The following COL20A1 variants were observed in gnomAD, a reference collection of about 807,000 sequenced individuals.
COL20A1 encodes the protein collagen alpha-1(XX) chain.
Under a neutral mutation model 152.9 loss-of-function variants are expected in COL20A1, and 164 were observed. The ratio of observed to expected loss-of-function variants is 1.07; its 90% CI spans 0.94 to 1.22. The LOEUF (loss-of-function observed/expected upper bound fraction) is 1.22, where lower values mean the gene tolerates loss of function less well. Ranked by LOEUF, COL20A1 falls within the 50% of genes most tolerant of loss-of-function variation. COL20A1 has a pLI of 0.00. For missense variants in COL20A1, 1,873 were observed against 1,744.8 expected, an observed-to-expected ratio of 1.07 and a Z score of -1.31; for synonymous variants, 864 against 756.0, an observed-to-expected ratio of 1.14 and a Z score of -2.34.
chr20:63,330,012 G>A (rs1262278275), intron 35 of COL20A1, among the ~76,000 whole-genome samples: 1 of 152,100 alleles, frequency 6.6e-6, no homozygotes, highest in African/African-American at 2.4e-5. Flanking sequence ...CAGGGAGAGT[G>A]GAGCTCAGGT....
intron 3 of COL20A1, among the ~76,000 whole-genome samples, chr20:63,304,419 C>G (rs2067897682): frequency 7.2e-6 from 1 of 139,578 alleles, no homozygotes. Flanking sequence ...CTTCCTCCCT[C>G]CAGGTGTGCA....
chr20:63,297,894 T>C lies in COL20A1; in HGVS notation c.83-16T>C. ...GAGGCCAGGTCAGTCCTGACCACTA[T>C]GTCCTGTTTCTGTAGCAAGCGGTCT... On this transcript the variant is annotated splice_polypyrimidine_tract_variant and intron_variant, in intron 2 of 35. Transcript: ENST00000358894. 1 of 1,606,734 alleles carries C rather than the reference T, an allele frequency of 6.2e-7. No homozygotes were observed. Among genetic ancestry groups the C allele is most frequent in the African/African-American group, 1.3e-5 (1 of 74,926 alleles).
chr20:63,312,382 C>T, intron 14 of COL20A1, 38 bp from the exon 15 acceptor site: 1 of 1,504,766 alleles, frequency 6.6e-7, no homozygotes, highest in Non-Finnish European at 8.8e-7. Context: ...CTCCAGGCAC[C>T]AGCTGGGCCT....
At chr20:63,307,028 C>G (rs566952591) in intron 5 of COL20A1, among the ~76,000 whole-genome samples, 1 of 152,322 alleles carries the variant, frequency 6.6e-6, no homozygotes, top group South Asian at 2.1e-4. Context: ...GGCATCTCCC[C>G]GGGGGTCTGG....
rs1054048952 is a variant in COL20A1 at position 63,305,321 on chromosome 20, G to A, written c.194-96G>A. 9.8e-7 allele frequency: 1 copy of A among 1,024,164 alleles called. No homozygotes were observed. The highest frequency in any genetic ancestry group is 1.3e-6 in the Non-Finnish European group (1 of 759,186). 63.4% of individuals were successfully genotyped at this position (1,024,164 alleles called of 1,614,324 possible). Reference sequence around the variant, plus strand: ...TCTGGCTTCAAGGGGAGCAGCTGGGGTGGGGAGGAGGAGCCAAGAGGGTTT... The same window carrying A: ...TCTGGCTTCAAGGGGAGCAGCTGGGATGGGGAGGAGGAGCCAAGAGGGTTT... On this transcript the variant is annotated intron_variant, in intron 3 of 35. Transcript: ENST00000358894. The surrounding 1 kb of genome is among the most constrained non-coding windows in gnomAD (Gnocchi z 4.9).
intron 6 of COL20A1, 103 bp from the exon 7 acceptor site, chr20:63,307,868 A>G: frequency 7.1e-7 from 1 of 1,406,884 alleles, no homozygotes. Context: ...TGGCCAGGTG[A>G]CCCCACAGAG....
intron 3 of COL20A1, among the ~76,000 whole-genome samples, chr20:63,303,635 A>C (rs1294376524): frequency 1.3e-5 from 2 of 152,222 alleles, no homozygotes; most frequent in Admixed American, 1.3e-4. Flanking sequence ...TGTTGATGGT[A>C]ATGACAACAC....
Position 63,328,450 on chromosome 20 carries a change from C to T in COL20A1, c.3733C>T (p.Leu1245=), listed in dbSNP as rs550584170. Reference sequence around the variant, plus strand: ...GTCCCCTGGCACCCGCAGCAAGGCCCTGGTTCCTGGAGAATGGGGGCGTGG... The same window carrying T: ...GTCCCCTGGCACCCGCAGCAAGGCCTTGGTTCCTGGAGAATGGGGGCGTGG... The part of the protein sequence containing the change: ...LGSPGTRSKA[L]VPGEWGRGGR... The change falls in exon 34 of 36, where the codon CTG becomes TTG. Residue 1245 remains leucine (L), a synonymous_variant. Coordinates refer to ENST00000358894, the MANE Select transcript of COL20A1 (RefSeq NM_020882.4). The T allele has an allele frequency of 1.2e-6, 2 of 1,612,580 alleles. No homozygotes were observed. The highest frequency in any genetic ancestry group is 1.3e-5 in the African/African-American group (1 of 75,054).
intron 3 of COL20A1, among the ~76,000 whole-genome samples, chr20:63,303,541 G>C (rs2067883880): frequency 6.6e-6 from 1 of 152,158 alleles, no homozygotes; most frequent in African/African-American, 2.4e-5. Flanking sequence ...GGGTGTAATG[G>C]AGTTGTGAAG....
chr20:63,308,442 A>G, intron 7 of COL20A1, 100 bp from the exon 8 acceptor site: 1 of 1,193,846 alleles, frequency 8.4e-7, no homozygotes. Context: ...ATACCCCACA[A>G]GGGAAGGAGA....
At chr20:63,321,977 C>A in intron 26 of COL20A1, 81 bp from the exon 27 acceptor site, 4 of 1,178,386 alleles carry the variant, frequency 3.4e-6, no homozygotes, top group Non-Finnish European at 4.7e-6. Flanking sequence ...GTGGGCCAGG[C>A]ATGGGGCTCA....
At chr20:63,322,817 C>A (rs547713928) in intron 27 of COL20A1, among the ~76,000 whole-genome samples, 1 of 152,372 alleles carries the variant, frequency 6.6e-6, no homozygotes, top group Non-Finnish European at 1.5e-5. Context: ...AGCCTTCCAG[C>A]GAGTTCCACA....
rs763684206 is a variant in COL20A1, at chr20:63,325,695, G to A, written c.3376G>A (p.Gly1126Arg). Residue 1126 changes from glycine (G) to arginine (R), a missense_variant, in exon 29 of 36, where the codon GGG becomes AGG. Coordinates refer to ENST00000358894, the MANE Select transcript of COL20A1 (RefSeq NM_020882.4). ...QGHPGHQGIP[G>R]RVGLQGPKGM... is the part of the protein sequence containing the mutation. ...CCACCCCGGCCACCAGGGCATCCCC[G>A]GGAGAGTTGGCCTCCAGGGACCAAA... is the stretch of plus-strand genomic sequence containing the variant. 2.0e-5 allele frequency: 32 copies of A among 1,611,754 alleles called. No individual in the cohort carries two copies. Among genetic ancestry groups the A allele is most frequent in the African/African-American group, 8.0e-5 (6 of 75,006 alleles).
chr20:63,328,317 C>G lies in COL20A1; in HGVS notation c.3614-14C>G, dbSNP rs1486073518. 6.2e-7 allele frequency: 1 copy of G among 1,604,024 alleles called. No homozygotes were observed. Among genetic ancestry groups the G allele is most frequent in the Non-Finnish European group, 8.5e-7 (1 of 1,174,606 alleles). On this transcript the variant is annotated splice_polypyrimidine_tract_variant and intron_variant, in intron 33 of 35. Transcript: ENST00000358894. ...GTCCCCACTGTGTCCTGCTGACACC[C>G]CTCCTCCCCACAGCACACGTGTCAA... is the stretch of plus-strand genomic sequence containing the variant.
chr20:63,308,153 G>T, intron 7 of COL20A1, 63 bp downstream of exon 7: 2 of 1,580,296 alleles, frequency 1.3e-6, no homozygotes, highest in Non-Finnish European at 1.7e-6. Context: ...CGCCCTCCCA[G>T]ATCCCGAAAG....
chr20:63,301,250 G>T (rs1056941691), intron 3 of COL20A1, among the ~76,000 whole-genome samples: 1 of 152,206 alleles, frequency 6.6e-6, no homozygotes, highest in African/African-American at 2.4e-5. Context: ...GGGAGGTGGA[G>T]GTTGCAGTGA....
At chr20:63,309,943 C>A (rs746148096) in intron 10 of COL20A1, 28 bp downstream of exon 10, 5 of 1,531,184 alleles carry the variant, frequency 3.3e-6, no homozygotes, top group East Asian at 2.4e-5. Flanking sequence ...CAGGGCTCCC[C>A]GAGCCGGTCC....
rs2068136371 is a variant in COL20A1, at chr20:63,319,905, C to T, written c.2917-134C>T. ...GGGGTTCTCCCAGGGTCCCCCGAAA[C>T]CTGAGGTGAGGTCAGGTTCCTGACC... is the stretch of plus-strand genomic sequence containing the variant. On this transcript the variant is annotated intron_variant, in intron 23 of 35. Transcript: ENST00000358894. The surrounding 1 kb of genome is among the most constrained non-coding windows in gnomAD (Gnocchi z 4.4). 1.1e-6 allele frequency: 1 copy of T among 873,710 alleles called. No individual in the cohort carries two copies. Among genetic ancestry groups the T allele is most frequent in the African/African-American group, 1.7e-5 (1 of 59,200 alleles). The allele number at this position is 873,710 out of a possible 1,614,324, so 54.1% of individuals were successfully genotyped here.
chr20:63,298,590 T>C (rs2067828692), intron 3 of COL20A1, among the ~76,000 whole-genome samples: 1 of 152,132 alleles, frequency 6.6e-6, no homozygotes, highest in South Asian at 2.1e-4. Flanking sequence ...GCCCGGTCCA[T>C]ATTTTTTAAA....
Sources: allele counts gnomAD v4.1 joint callset (sites outside exome capture counted in the v4.1 genomes callset), GRCh38; gene constraint gnomAD v4.1.1; non-coding constraint Gnocchi (gnomAD v3.1); transcripts MANE v1.5; gene names NCBI Gene and HGNC (gene_info 2026-07-23, HGNC 2026-07-21).